Variants in GLG1 observed in about 807,000 individuals in gnomAD.
The protein encoded by GLG1 is Golgi apparatus protein 1.
In GLG1, 38 loss-of-function variants were observed where a neutral mutation model predicts 160.5. That is an observed-to-expected ratio of 0.24 (90% confidence interval 0.18 to 0.31). The LOEUF (loss-of-function observed/expected upper bound fraction) is 0.31. GLG1 is among the 10% of genes least tolerant of loss of function. The pLI is 1.00. For missense variants in GLG1, 1,373 were observed against 1,505.2 expected, an observed-to-expected ratio of 0.91 and a Z score of 1.45; for synonymous variants, 644 against 543.4, an observed-to-expected ratio of 1.19 and a Z score of -2.57.
At chr16:74,604,752 TAAAGAA>T (rs1958525226) in intron 1 of GLG1, among the ~76,000 whole-genome samples, 1 of 151,672 alleles carries the variant, frequency 6.6e-6, no homozygotes, top group African/African-American at 2.4e-5. Flanking sequence ...TCGCTGTCTT[TAAAGAA>T]AAAGAAAATA....
At chr16:74,560,180 G>A (rs2018469657) in intron 1 of GLG1, among the ~76,000 whole-genome samples, 1 of 152,138 alleles carries the variant, frequency 6.6e-6, no homozygotes, top group Non-Finnish European at 1.5e-5. Context: ...TAGCAAAGCA[G>A]ACTGTCCTTC....
intron 1 of GLG1, among the ~76,000 whole-genome samples, chr16:74,575,478 A>G (rs1279300142): frequency 3.3e-5 from 5 of 152,238 alleles, no homozygotes; most frequent in Non-Finnish European, 5.9e-5. Flanking sequence ...ACAAAATATT[A>G]TGACCAGGTA....
chr16:74,501,756 T>G (rs1597275403), intron 4 of GLG1, among the ~76,000 whole-genome samples: 2 of 152,228 alleles, frequency 1.3e-5, no homozygotes, highest in Non-Finnish European at 2.9e-5. Context: ...GATATAATTT[T>G]CAACATCCTA....
intron 11 of GLG1, among the ~76,000 whole-genome samples, chr16:74,478,330 G>T (rs1017703287): frequency 6.6e-6 from 1 of 152,144 alleles, no homozygotes; most frequent in South Asian, 2.1e-4. Flanking sequence ...AACATTATGA[G>T]ATAGGACTGG....
intron 1 of GLG1, among the ~76,000 whole-genome samples, chr16:74,550,328 C>T (rs1379067092): frequency 6.6e-6 from 1 of 151,978 alleles, no homozygotes; most frequent in Admixed American, 6.6e-5. Context: ...CTCGAAGTCT[C>T]AATTGATAGA....
chr16:74,501,498 T>C (rs1230337699), intron 4 of GLG1, among the ~76,000 whole-genome samples: 2 of 152,252 alleles, frequency 1.3e-5, no homozygotes, highest in East Asian at 3.8e-4. Context: ...TACTATTTTC[T>C]GCAATCGTTT....
chr16:74,516,083 T>TA lies in GLG1; in HGVS notation c.472-7159dup, dbSNP rs1233226353. Among the ~76,000 whole-genome samples the TA allele has an allele frequency of 6.6e-5, 10 of 151,630 alleles. 1 individual carries two copies. Among genetic ancestry groups the TA allele is most frequent in the African/African-American group, 2.2e-4 (9 of 40,928 alleles). ...GTTCTTAGAGACCTACAAAGAGACT[T>TA]AGACTCTCACACAATAATAATGGGA... On this transcript the variant is annotated intron_variant, in intron 2 of 25. Transcript: ENST00000422840.
chr16:74,561,940 G>A (rs956919858), intron 1 of GLG1, among the ~76,000 whole-genome samples: 14 of 152,166 alleles, frequency 9.2e-5, no homozygotes, highest in African/African-American at 3.1e-4. Context: ...ACCAAGGTTT[G>A]GCTTATCAAA....
intron 3 of GLG1, among the ~76,000 whole-genome samples, chr16:74,507,681 A>G (rs2016661033): frequency 6.6e-6 from 1 of 152,116 alleles, no homozygotes. Context: ...GGTTGCAGAG[A>G]GCCAAGGTGG....
chr16:74,572,812 G>A (rs1287961772), intron 1 of GLG1, among the ~76,000 whole-genome samples: 4 of 152,202 alleles, frequency 2.6e-5, no homozygotes, highest in Admixed American at 1.3e-4. Context: ...GGTGGTGCCT[G>A]TGGGAAGCCC....
chr16:74,535,694 C>A (rs1567509296), intron 1 of GLG1, among the ~76,000 whole-genome samples: 1 of 152,158 alleles, frequency 6.6e-6, no homozygotes, highest in Non-Finnish European at 1.5e-5. Context: ...CTCACCTGCC[C>A]AAAGTGCTGG....
At chr16:74,504,124 GC>G (rs2143460784) in intron 3 of GLG1, among the ~76,000 whole-genome samples, 1 of 152,272 alleles carries the variant, frequency 6.6e-6, no homozygotes, top group South Asian at 2.1e-4. Flanking sequence ...GCAGGAGACA[GC>G]GAGGGGATGA....
chr16:74,457,024 G>C (rs896733673), intron 24 of GLG1, among the ~76,000 whole-genome samples: 1 of 152,134 alleles, frequency 6.6e-6, no homozygotes, highest in Non-Finnish European at 1.5e-5. Context: ...CCAGATACTT[G>C]GGAAGCTGAG....
chr16:74,512,144 T>A (rs1402583260), intron 2 of GLG1, among the ~76,000 whole-genome samples: 1 of 149,790 alleles, frequency 6.7e-6, no homozygotes, highest in Admixed American at 6.9e-5. Context: ...TTAATCTACT[T>A]TCTGGTCTTT....
intron 10 of GLG1, among the ~76,000 whole-genome samples, chr16:74,482,810 T>C (rs1208183162): frequency 1.3e-5 from 2 of 152,192 alleles, no homozygotes; most frequent in Non-Finnish European, 2.9e-5. Context: ...TGAACAAGGA[T>C]GTGTGGTACA....
intron 1 of GLG1, among the ~76,000 whole-genome samples, chr16:74,576,924 A>AT (rs35963439): frequency 3.4e-4 from 48 of 140,872 alleles, no homozygotes; most frequent in Middle Eastern, 3.6e-3. Context: ...ACCACTCCTA[A>AT]TTTTTTTTTT....
At position 74,451,727 on chromosome 16, in the gene GLG1, C is replaced by A; in HGVS notation, c.*1440G>T. The A allele has an allele frequency of 3.1e-6, 1 of 318,640 alleles. No individual in the cohort carries two copies. The highest frequency in any genetic ancestry group is 6.0e-6 in the Non-Finnish European group (1 of 165,430). The allele number at this position is 318,640 out of a possible 1,614,324, so 19.7% of individuals were successfully genotyped here. On this transcript the variant is annotated 3_prime_UTR_variant, in exon 26 of 26. Transcript: ENST00000422840. ...TTGTGCAGCCACTGTGATCTCATGC[C>A]CCAAACTCAACCAAAGGAGTGCCAC...
intron 5 of GLG1, among the ~76,000 whole-genome samples, chr16:74,495,231 A>G (rs142653435): frequency 1.9e-3 from 295 of 151,448 alleles, no homozygotes; most frequent in Non-Finnish European, 3.6e-3. Flanking sequence ...CTCCTGCCTC[A>G]GAGCCCCAAG....
In GLG1 at chr16:74,565,059, C is replaced by T. The variant is rs78195529; in HGVS notation, c.439-32906G>A. 2.8e-3 allele frequency among the ~76,000 whole-genome samples: 433 copies of T among 152,232 alleles called. 3 individuals carry two copies. The highest frequency in any genetic ancestry group is 9.8e-3 in the African/African-American group (409 of 41,538). On this transcript the variant is annotated intron_variant, in intron 1 of 25. Transcript: ENST00000422840. Reference sequence around the variant, plus strand: ...ATTGACAAACAATACAAAATTGAGGCCAGATGGGGTGGCTCATGCCTGTAA... The same window carrying T: ...ATTGACAAACAATACAAAATTGAGGTCAGATGGGGTGGCTCATGCCTGTAA...
Sources: gnomAD v4.1 joint callset for allele counts (sites outside exome capture counted in the v4.1 genomes callset) on GRCh38, gnomAD v4.1.1 for gene constraint, MANE v1.5 for transcripts, NCBI Gene and HGNC (gene_info 2026-07-23, HGNC 2026-07-21) for gene names.